Variants in C1GALT1 observed in about 807,000 individuals in gnomAD.
C1GALT1 encodes core 1 synthase, glycoprotein-N-acetylgalactosamine 3-beta-galactosyltransferase 1.
A neutral mutation model predicts 31.0 loss-of-function variants in C1GALT1; 11 were observed. The ratio of observed to expected loss-of-function variants is 0.36; its 90% CI spans 0.22 to 0.59. C1GALT1 has a LOEUF of 0.59. Ranked by LOEUF, C1GALT1 falls within the 20% of genes least tolerant of loss-of-function variation. The pLI, the probability that C1GALT1 is intolerant of heterozygous loss-of-function variation, is 0.79. For synonymous variants in C1GALT1, 175 were observed against 143.6 expected (o/e 1.22, Z -1.56); for missense variants, 424 against 425.2 (o/e 1.00, Z 0.03).
chr7:7,168,263 A>T (rs1343389330), intron 2 of C1GALT1, among the ~76,000 whole-genome samples: 2 of 152,242 alleles, frequency 1.3e-5, no homozygotes, highest in Non-Finnish European at 2.9e-5. Context: ...CTGGTCTCCA[A>T]AGCAGAGTAC....
chr7:7,201,765 GA>G (rs1374990314), intron 1 of C1GALT1, among the ~76,000 whole-genome samples: 1 of 152,192 alleles, frequency 6.6e-6, no homozygotes, highest in East Asian at 1.9e-4. Flanking sequence ...CTCCCCCGAG[GA>G]AGTAAGCAGG....
intron 1 of C1GALT1, among the ~76,000 whole-genome samples, chr7:7,198,949 C>A (rs1417847754): frequency 6.6e-6 from 1 of 152,004 alleles, no homozygotes; most frequent in Non-Finnish European, 1.5e-5. Flanking sequence ...GTCTTGCTAG[C>A]GGTCTATCCA....
chr7:7,233,111 T>C (rs186734723), intron 1 of C1GALT1, among the ~76,000 whole-genome samples: 117 of 152,274 alleles, frequency 7.7e-4, no homozygotes, highest in African/African-American at 2.7e-3. Flanking sequence ...ATATAGTAAT[T>C]GTTAACAAAA....
chr7:7,212,081 T>C (rs1035369802), intron 1 of C1GALT1, among the ~76,000 whole-genome samples: 1 of 152,216 alleles, frequency 6.6e-6, no homozygotes, highest in African/African-American at 2.4e-5. Context: ...TGGATGGCTT[T>C]GATAAAACTC....
chr7:7,202,302 T>C (rs1199060742), intron 1 of C1GALT1, among the ~76,000 whole-genome samples: 1 of 152,224 alleles, frequency 6.6e-6, no homozygotes, highest in Non-Finnish European at 1.5e-5. Context: ...AAGTTCACGG[T>C]GTGAGTCTCC....
At chr7:7,199,611 C>T (rs948945875) in intron 1 of C1GALT1, among the ~76,000 whole-genome samples, 5 of 152,154 alleles carry the variant, frequency 3.3e-5, no homozygotes, top group Middle Eastern at 6.8e-3. Flanking sequence ...CTTTCTGTCT[C>T]GTTGATCTGT....
At chr7:7,158,229 G>A (rs1251861951) in intron 2 of C1GALT1, among the ~76,000 whole-genome samples, 1 of 152,176 alleles carries the variant, frequency 6.6e-6, no homozygotes. Flanking sequence ...TGGGAGGTTA[G>A]GGTGGGGTTA....
chr7:7,159,688 T>C (rs1021905239), intron 2 of C1GALT1, among the ~76,000 whole-genome samples: 4 of 152,198 alleles, frequency 2.6e-5, no homozygotes, highest in Non-Finnish European at 4.4e-5. Flanking sequence ...TCACTATTTT[T>C]ACACGTAGAT....
chr7:7,203,761 T>G (rs1224952424), intron 1 of C1GALT1, among the ~76,000 whole-genome samples: 1 of 152,098 alleles, frequency 6.6e-6, no homozygotes, highest in Non-Finnish European at 1.5e-5. Context: ...TTACAGTACA[T>G]ATAATGTATC....
Position 7,219,808 on chromosome 7 carries a change from T to A in C1GALT1, c.-17-14495T>A, listed in dbSNP as rs185050324. ...TTTTAAGCACATAATTGTAATAACA[T>A]TGTCTATAAAATTTTGTGTGGAATT... On this transcript the variant is annotated intron_variant, in intron 1 of 3. Coordinates refer to ENST00000436587, the MANE Select transcript of C1GALT1 (RefSeq NM_020156.5). 4.7e-3 allele frequency among the ~76,000 whole-genome samples: 713 copies of A among 152,258 alleles called. 7 individuals carry two copies. Among genetic ancestry groups the A allele is most frequent in the African/African-American group, 0.017 (686 of 41,564 alleles).
intron 2 of C1GALT1, among the ~76,000 whole-genome samples, chr7:7,174,178 C>A (rs1423445878): frequency 6.6e-6 from 1 of 152,104 alleles, no homozygotes; most frequent in African/African-American, 2.4e-5. Context: ...AGGGCTCCAC[C>A]CTTAACTTGC....
At chr7:7,161,784 T>C (rs970559869) in intron 2 of C1GALT1, among the ~76,000 whole-genome samples, 9 of 152,158 alleles carry the variant, frequency 5.9e-5, no homozygotes, top group Admixed American at 5.9e-4. Flanking sequence ...TAGGAAAACA[T>C]GAATACTTTC....
chr7:7,179,498 ATGT>A (rs1780545179), upstream of C1GALT1, among the ~76,000 whole-genome samples: 1 of 152,204 alleles, frequency 6.6e-6, no homozygotes, highest in South Asian at 2.1e-4. Flanking sequence ...CAATGTTTTA[ATGT>A]TGTTGCTAGC....
intron 1 of C1GALT1, among the ~76,000 whole-genome samples, chr7:7,218,918 C>T (rs1243422506): frequency 2.0e-5 from 3 of 151,534 alleles, no homozygotes; most frequent in Non-Finnish European, 4.4e-5. Flanking sequence ...ACTGCAAGCT[C>T]CGCCTCCGCA....
At position 7,247,407 on chromosome 7, in the gene C1GALT1, G is replaced by A. The variant is rs1490163766; in HGVS notation, c.*3680G>A. 6.6e-6 allele frequency: 1 copy of A among 152,076 alleles called. No homozygotes were observed. The highest frequency in any genetic ancestry group is 2.4e-5 in the African/African-American group (1 of 41,434). The allele number at this position is 152,076 out of a possible 1,614,324, so 9.4% of individuals were successfully genotyped here. ...ATAGATAAAGCAGATTTTTGTCCCA[G>A]TTTGCTTTCAAATATAAATTTCAGA... On this transcript the variant is annotated 3_prime_UTR_variant, in exon 4 of 4. Transcript: ENST00000436587.
At chr7:7,222,693 A>G (rs10268210) in intron 1 of C1GALT1, among the ~76,000 whole-genome samples, 4 of 151,996 alleles carry the variant, frequency 2.6e-5, no homozygotes, top group Non-Finnish European at 5.9e-5. Flanking sequence ...ATTCCAAATA[A>G]TTATTGCTAT....
At chr7:7,215,713 G>A (rs1782205708) in intron 1 of C1GALT1, among the ~76,000 whole-genome samples, 1 of 145,778 alleles carries the variant, frequency 6.9e-6, no homozygotes, top group African/African-American at 2.6e-5. Context: ...CGTACTGTAG[G>A]AGACATATTG....
intron 1 of C1GALT1, among the ~76,000 whole-genome samples, chr7:7,220,239 A>G (rs1258843533): frequency 6.6e-6 from 1 of 152,242 alleles, no homozygotes; most frequent in Non-Finnish European, 1.5e-5. Context: ...GTGGAAAGTT[A>G]TGGTAAATTA....
chr7:7,217,440 C>T (rs1250434174), intron 1 of C1GALT1, among the ~76,000 whole-genome samples: 1 of 152,056 alleles, frequency 6.6e-6, no homozygotes, highest in African/African-American at 2.4e-5. Flanking sequence ...ACAAGTGATC[C>T]TCCTGCCTCA....
Sources: gnomAD v4.1 joint callset for allele counts (sites outside exome capture counted in the v4.1 genomes callset) on GRCh38, gnomAD v4.1.1 for gene constraint, MANE v1.5 for transcripts, NCBI Gene and HGNC (gene_info 2026-07-23, HGNC 2026-07-21) for gene names.